P4HA1: variants seen among roughly 807,000 people sequenced by gnomAD.
P4HA1 encodes prolyl 4-hydroxylase subunit alpha-1.
A neutral mutation model predicts 72.8 loss-of-function variants in P4HA1; 24 were observed. That is an observed-to-expected ratio of 0.33 (90% CI 0.24 to 0.46). The LOEUF is 0.46. Among genes scored for constraint, P4HA1 ranks in the 20% least tolerant of loss-of-function variants. P4HA1 has a pLI of 1.00. For synonymous variants in P4HA1, 201 were observed against 218.8 expected, an observed-to-expected ratio of 0.92 and a Z score of 0.72; for missense variants, 446 against 640.6, an observed-to-expected ratio of 0.70 and a Z score of 3.28.
intron 9 of P4HA1, among the ~76,000 whole-genome samples, chr10:73,036,673 C>T (rs536358935): frequency 6.6e-6 from 1 of 152,286 alleles, no homozygotes; most frequent in African/African-American, 2.4e-5. Flanking sequence ...GCTGGAATTA[C>T]AGGTGTGAGC....
At chr10:73,044,041 A>T (rs1022651869) in intron 9 of P4HA1, 3 of 957,568 alleles carry the variant, frequency 3.1e-6, no homozygotes, top group Non-Finnish European at 3.4e-6. Flanking sequence ...GCCAAGCCAC[A>T]GGTGATTGGA....
chr10:73,032,446 A>G (rs1013511979), intron 9 of P4HA1, among the ~76,000 whole-genome samples: 1 of 152,110 alleles, frequency 6.6e-6, no homozygotes, highest in African/African-American at 2.4e-5. Flanking sequence ...GACAATACTC[A>G]TCCTTTTGGA....
chr10:73,008,502 CGTGT>C (rs1839841292), intron 14 of P4HA1, among the ~76,000 whole-genome samples: 1 of 152,092 alleles, frequency 6.6e-6, no homozygotes, highest in Non-Finnish European at 1.5e-5. Context: ...CACTTGTGTG[CGTGT>C]ATGTACATAC....
intron 10 of P4HA1, among the ~76,000 whole-genome samples, chr10:73,023,808 G>GAAAAAAA (rs1229563598): frequency 2.3e-5 from 2 of 85,196 alleles, no homozygotes. Context: ...CAAATGGAAA[G>GAAAAAAA]AAAAAAAAAA....
At chr10:73,077,480 G>A (rs980059313) in intron 1 of P4HA1, among the ~76,000 whole-genome samples, 9 of 152,088 alleles carry the variant, frequency 5.9e-5, no homozygotes, top group African/African-American at 2.2e-4. Context: ...ATTTTTCTTC[G>A]AATAGCTTGA....
At chr10:73,057,723 G>C (rs567545151) in intron 5 of P4HA1, among the ~76,000 whole-genome samples, 2 of 152,082 alleles carry the variant, frequency 1.3e-5, no homozygotes, top group South Asian at 2.1e-4. Flanking sequence ...GTTTCAAGGA[G>C]GAAAATTCCA....
chr10:73,053,917 T>A (rs1262102535), intron 5 of P4HA1, among the ~76,000 whole-genome samples: 1 of 129,336 alleles, frequency 7.7e-6, no homozygotes. Context: ...GATACATCTC[T>A]TTTTTTTTTT....
chr10:73,014,408 T>C, intron 11 of P4HA1, 119 bp from the exon 12 acceptor site: 1 of 740,422 alleles, frequency 1.4e-6, no homozygotes, highest in Non-Finnish European at 2.3e-6. Flanking sequence ...ACCGCAAAAG[T>C]TTCCCTTGTA....
intron 5 of P4HA1, among the ~76,000 whole-genome samples, chr10:73,055,832 A>C (rs1377358859): frequency 1.3e-5 from 2 of 152,230 alleles, no homozygotes; most frequent in Non-Finnish European, 2.9e-5. Flanking sequence ...CTATCTGCCA[A>C]GTATTTGTCA....
intron 4 of P4HA1, among the ~76,000 whole-genome samples, chr10:73,069,935 C>G (rs909808250): frequency 6.6e-6 from 1 of 151,732 alleles, no homozygotes; most frequent in African/African-American, 2.4e-5. Flanking sequence ...CTCAGCCTCC[C>G]AGTAGCTGGG....
intron 7 of P4HA1, among the ~76,000 whole-genome samples, chr10:73,047,745 C>T: frequency 6.6e-6 from 1 of 152,082 alleles, no homozygotes; most frequent in African/African-American, 2.4e-5. Flanking sequence ...TTGCCTACTT[C>T]TCTTAATTAA....
intron 8 of P4HA1, among the ~76,000 whole-genome samples, chr10:73,046,181 G>GA (rs1019717312): frequency 4.9e-4 from 75 of 152,232 alleles, no homozygotes; most frequent in African/African-American, 1.5e-3. Flanking sequence ...GACCTTTATG[G>GA]AAAAAATCTG....
rs1371152244 is a variant in P4HA1 at position 73,007,653 on chromosome 10, GA to G, written c.*568del. 6.6e-5 allele frequency: 10 copies of G among 151,678 alleles called. No individual in the cohort carries two copies. The highest frequency in any genetic ancestry group is 1.3e-4 in the Non-Finnish European group (9 of 67,980). 9.4% of individuals were successfully genotyped at this position (151,678 alleles called of 1,614,324 possible). On this transcript the variant is annotated 3_prime_UTR_variant, in exon 15 of 15. Coordinates refer to ENST00000394890, the MANE Select transcript of P4HA1 (RefSeq NM_001017962.3). Reference sequence around the variant, plus strand: ...ACCACAGAGGAGCTAAAAGAAAAGAGAGGGGGTTGGTAAAATACAGTATACT... The same window carrying G: ...ACCACAGAGGAGCTAAAAGAAAAGAGGGGGGTTGGTAAAATACAGTATACT...
intron 5 of P4HA1, among the ~76,000 whole-genome samples, chr10:73,059,747 AAAT>A (rs1436679650): frequency 1.3e-5 from 2 of 150,468 alleles, no homozygotes; most frequent in Non-Finnish European, 3.0e-5. Flanking sequence ...CATCTGAAAA[AAAT>A]AATAATAAAA....
intron 4 of P4HA1, 99 bp downstream of exon 4, chr10:73,071,930 G>A: frequency 1.1e-6 from 1 of 933,304 alleles, no homozygotes; most frequent in East Asian, 2.4e-5. Context: ...TTACAACACT[G>A]AACTGAACTG....
chr10:73,062,078 G>A (rs538190216), intron 5 of P4HA1, among the ~76,000 whole-genome samples: 1 of 152,266 alleles, frequency 6.6e-6, no homozygotes, highest in Admixed American at 6.5e-5. Context: ...ATTATTTATG[G>A]ATAAAATGAC....
At chr10:73,067,744 A>G (rs1841461291) in intron 5 of P4HA1, among the ~76,000 whole-genome samples, 1 of 151,948 alleles carries the variant, frequency 6.6e-6, no homozygotes, top group Non-Finnish European at 1.5e-5. Context: ...TTTAATGTGT[A>G]TCTTCCAGGA....
rs768786849 is a variant in P4HA1 at position 73,014,720 on chromosome 10, AAT to A, written c.1303-433_1303-432del. Among the ~76,000 whole-genome samples the A allele has an allele frequency of 4.6e-5, 7 of 152,328 alleles. No individual in the cohort carries two copies. In the South Asian group the frequency reaches 8.3e-4, roughly 18 times the overall value. ...ATACCCACAATTTTAGCTTCTAAAA[AAT>A]ATGACTTGACAGCCATCTCTTAGCT... On this transcript the variant is annotated intron_variant, in intron 11 of 14. Transcript: ENST00000394890.
intron 5 of P4HA1, among the ~76,000 whole-genome samples, chr10:73,068,034 T>C (rs558696574): frequency 6.6e-6 from 1 of 152,306 alleles, no homozygotes; most frequent in African/African-American, 2.4e-5. Context: ...ATAATATTAG[T>C]AGAAACTGAA....
Sources: allele counts gnomAD v4.1 joint callset (sites outside exome capture counted in the v4.1 genomes callset), GRCh38; gene constraint gnomAD v4.1.1; transcripts MANE v1.5; gene names NCBI Gene and HGNC (gene_info 2026-07-23, HGNC 2026-07-21).